MYO9A: variants seen among roughly 807,000 people sequenced by gnomAD.
MYO9A encodes unconventional myosin-IXa.
In MYO9A, 103 loss-of-function variants were observed where a neutral mutation model predicts 293.3. That is an observed-to-expected ratio of 0.35 (90% CI 0.30 to 0.41). MYO9A has a LOEUF of 0.41. Ranked by LOEUF, MYO9A falls within the 10% of genes least tolerant of loss-of-function variation. The pLI, the probability that MYO9A is intolerant of heterozygous loss-of-function variation, is 1.00. For missense variants in MYO9A, 2,685 were observed against 3,033.0 expected (o/e 0.89, Z 2.69); for synonymous variants, 1,001 against 1,035.7 (o/e 0.97, Z 0.64).
intron 30 of MYO9A, among the ~76,000 whole-genome samples, chr15:71,879,117 T>C (rs1468443323): frequency 6.6e-6 from 1 of 152,072 alleles, no homozygotes; most frequent in Non-Finnish European, 1.5e-5. Flanking sequence ...AAAGAATATA[T>C]TGAACAATGA....
intron 25 of MYO9A, among the ~76,000 whole-genome samples, chr15:71,895,660 A>G (rs886818333): frequency 2.6e-5 from 4 of 152,130 alleles, no homozygotes; most frequent in African/African-American, 9.7e-5. Flanking sequence ...CAACAGGATG[A>G]GATTTAAAGT....
chr15:72,044,934 T>C (rs915621593), intron 2 of MYO9A, among the ~76,000 whole-genome samples: 3 of 152,144 alleles, frequency 2.0e-5, no homozygotes, highest in Non-Finnish European at 4.4e-5. Context: ...AAATTACCAC[T>C]GTCACACTCT....
intron 11 of MYO9A, among the ~76,000 whole-genome samples, chr15:71,979,413 T>C (rs1181191389): frequency 2.0e-5 from 3 of 151,926 alleles, no homozygotes; most frequent in Non-Finnish European, 1.5e-5. Context: ...AGTCCAAAAG[T>C]CCTCCTCATT....
chr15:72,063,996 C>T (rs1190472665), intron 1 of MYO9A, among the ~76,000 whole-genome samples: 1 of 152,110 alleles, frequency 6.6e-6, no homozygotes, highest in Non-Finnish European at 1.5e-5. Flanking sequence ...GAATGAGATC[C>T]CATCATTTGC....
intron 39 of MYO9A, among the ~76,000 whole-genome samples, chr15:71,839,839 T>C (rs1459632228): frequency 6.6e-6 from 1 of 152,236 alleles, no homozygotes; most frequent in Non-Finnish European, 1.5e-5. Context: ...TTTAGAATTT[T>C]CCTATTCTGC....
At chr15:72,025,518 A>T (rs1288747023) in intron 4 of MYO9A, among the ~76,000 whole-genome samples, 1 of 152,028 alleles carries the variant, frequency 6.6e-6, no homozygotes, top group Admixed American at 6.6e-5. Context: ...ATGCAACCAC[A>T]CCTGGATAGT....
At chr15:72,072,487 G>A (rs532451658) in intron 1 of MYO9A, among the ~76,000 whole-genome samples, 1 of 152,184 alleles carries the variant, frequency 6.6e-6, no homozygotes, top group Admixed American at 6.5e-5. Flanking sequence ...GCAAAGTTAT[G>A]GAATCAATCA....
chr15:71,922,588 T>C (rs1417830981), intron 18 of MYO9A, among the ~76,000 whole-genome samples: 1 of 10,010 alleles, frequency 1.0e-4, no homozygotes, highest in Non-Finnish European at 1.7e-4. Flanking sequence ...TTGACCAGTG[T>C]TGTCCCTTTC....
intron 1 of MYO9A, among the ~76,000 whole-genome samples, chr15:72,074,816 A>T (rs2079295511): frequency 6.6e-6 from 1 of 152,124 alleles, no homozygotes; most frequent in African/African-American, 2.4e-5. Flanking sequence ...ACCAAAAATA[A>T]CTACAGTTGC....
Position 71,883,603 on chromosome 15 carries a change from A to C in MYO9A, c.5389T>G (p.Phe1797Val). ...CTTTGGTCACTTTTACCATCTGGAA[A>C]CTGATGAGCTGGAATCACATCTGTG... ...AGTDVIPAHQ[F>V]PDELAAYHPT... Residue 1797 changes from phenylalanine to valine, a missense_variant, in exon 28 of 42, where the codon TTT becomes GTT. Around this residue, in one of 10 missense-constraint regions of MYO9A, gnomAD observed 1,434 missense variants for 1,497.7 expected, o/e 0.96. Transcript: ENST00000356056. The C allele has an allele frequency of 2.5e-6, 4 of 1,610,368 alleles. No individual in the cohort carries two copies. The highest frequency in any genetic ancestry group is 3.4e-6 in the Non-Finnish European group (4 of 1,179,018).
chr15:71,857,095 T>G (rs945819624), intron 34 of MYO9A, among the ~76,000 whole-genome samples: 5 of 152,204 alleles, frequency 3.3e-5, no homozygotes, highest in African/African-American at 1.2e-4. Context: ...TTTAAATCCC[T>G]ATGGCATTAG....
At chr15:71,901,140 A>G (rs756139924) in intron 23 of MYO9A, 51 bp downstream of exon 23, 1 of 1,553,894 alleles carries the variant, frequency 6.4e-7, no homozygotes. Flanking sequence ...GTTACTAAAC[A>G]AAGGCCAAAT....
At chr15:71,845,781 T>G (rs1037504110) in intron 39 of MYO9A, among the ~76,000 whole-genome samples, 1 of 152,248 alleles carries the variant, frequency 6.6e-6, no homozygotes. Context: ...ACTTTCTGTA[T>G]GATTAACTGG....
At chr15:71,933,025 A>AC (rs1267260678) in intron 18 of MYO9A, among the ~76,000 whole-genome samples, 10 of 152,026 alleles carry the variant, frequency 6.6e-5, no homozygotes, top group Non-Finnish European at 1.3e-4. Context: ...ATAAAAAAAA[A>AC]CCAGAGCTAT....
At chr15:72,079,705 A>G (rs1050655445) in intron 1 of MYO9A, among the ~76,000 whole-genome samples, 10 of 152,160 alleles carry the variant, frequency 6.6e-5, no homozygotes, top group African/African-American at 2.4e-5. Context: ...GTCCTAATCC[A>G]TATGTCTTGA....
At chr15:71,883,793 T>A in intron 27 of MYO9A, 57 bp from the exon 28 acceptor site, 4 of 1,437,494 alleles carry the variant, frequency 2.8e-6, no homozygotes, top group Non-Finnish European at 3.8e-6. Flanking sequence ...TGATAATATT[T>A]GTATATATCA....
intron 1 of MYO9A, among the ~76,000 whole-genome samples, chr15:72,074,340 C>T (rs1365992854): frequency 6.6e-6 from 1 of 151,956 alleles, no homozygotes; most frequent in Non-Finnish European, 1.5e-5. Context: ...AATCACTCCA[C>T]TATATTAAAA....
rs541852908 is a variant in MYO9A at position 72,108,836 on chromosome 15, C to T, written c.-72+8844G>A. 1.1e-3 allele frequency among the ~76,000 whole-genome samples: 164 copies of T among 149,018 alleles called. 1 individual carries two copies. The highest frequency in any genetic ancestry group is 1.8e-3 in the Non-Finnish European group (125 of 67,694). On this transcript the variant is annotated intron_variant, in intron 1 of 41. Coordinates refer to ENST00000356056, the MANE Select transcript of MYO9A (RefSeq NM_006901.4). ...GGAGGGCAATGGTGCAATCTCAGCT[C>T]ACCACAACCTCCACCTCCCAGGTTG...
At chr15:72,096,724 C>G (rs1185661581) in intron 1 of MYO9A, among the ~76,000 whole-genome samples, 1 of 152,178 alleles carries the variant, frequency 6.6e-6, no homozygotes, top group Non-Finnish European at 1.5e-5. Flanking sequence ...GTAAAACCTT[C>G]TGTAAAGAAT....
Sources: allele counts gnomAD v4.1 joint callset (sites outside exome capture counted in the v4.1 genomes callset), GRCh38; gene constraint gnomAD v4.1.1; regional missense constraint gnomAD v4.1.1; transcripts MANE v1.5; gene names NCBI Gene and HGNC (gene_info 2026-07-23, HGNC 2026-07-21).